Variants in RHOU observed in about 807,000 individuals in gnomAD.
RHOU encodes rho-related GTP-binding protein RhoU.
In RHOU, 8 loss-of-function variants were observed where a neutral mutation model predicts 12.6. The observed-to-expected ratio is 0.64, with a 90% CI of 0.37 to 1.15. The LOEUF is 1.15. Ranked by LOEUF, RHOU falls within the 50% of genes most tolerant of loss-of-function variation. RHOU has a pLI of 0.01. For synonymous variants in RHOU, 161 were observed against 147.4 expected, an observed-to-expected ratio of 1.09 and a Z score of -0.67; for missense variants, 258 against 347.0, an observed-to-expected ratio of 0.74 and a Z score of 2.04.
the RHOU span, among the ~76,000 whole-genome samples, chr1:228,668,307 G>T: frequency 7.9e-5 from 12 of 152,340 alleles, no homozygotes; most frequent in Middle Eastern, 3.4e-3. Flanking sequence ...AAAATGCTGA[G>T]TTCTGTGTGC....
the RHOU span, among the ~76,000 whole-genome samples, chr1:228,721,941 C>T: frequency 6.6e-6 from 1 of 152,252 alleles, no homozygotes; most frequent in Non-Finnish European, 1.5e-5. Context: ...GCGTGAGCCA[C>T]CACACCCGGC....
At chr1:228,656,932 C>A in the RHOU span, among the ~76,000 whole-genome samples, 1 of 151,982 alleles carries the variant, frequency 6.6e-6, no homozygotes, top group Non-Finnish European at 1.5e-5. Context: ...ATGCTGTCTA[C>A]AAGAGAGAAA....
the RHOU span, chr1:228,652,666 A>T: frequency 1.3e-5 from 2 of 152,218 alleles, no homozygotes; most frequent in Admixed American, 1.3e-4. Flanking sequence ...TTGGGAAAAA[A>T]GATGTCCATA....
the RHOU span, among the ~76,000 whole-genome samples, chr1:228,682,929 G>C: frequency 2.0e-5 from 3 of 152,156 alleles, no homozygotes; most frequent in Non-Finnish European, 4.4e-5. Context: ...GGGGTGAGTG[G>C]AGTGAAGTAG....
At chr1:228,676,551 C>A in the RHOU span, among the ~76,000 whole-genome samples, 49 of 152,238 alleles carry the variant, frequency 3.2e-4, no homozygotes, top group South Asian at 1.0e-3. Flanking sequence ...CTATCTCTCT[C>A]TATATATTGT....
the RHOU span, chr1:228,687,427 A>G: frequency 2.2e-6 from 3 of 1,359,678 alleles, no homozygotes; most frequent in African/African-American, 1.4e-5. Flanking sequence ...GCCTTGAAGA[A>G]CTTTGCCAAA....
At chr1:228,707,530 AC>A in the RHOU span, among the ~76,000 whole-genome samples, 1 of 150,828 alleles carries the variant, frequency 6.6e-6, no homozygotes, top group African/African-American at 2.4e-5. Flanking sequence ...ACTGGGAGGC[AC>A]CCCCCAGCAG....
the RHOU span, among the ~76,000 whole-genome samples, chr1:228,691,828 CT>C: frequency 1.6e-3 from 245 of 152,304 alleles, 1 homozygote; most frequent in African/African-American, 5.8e-3. Flanking sequence ...AATCTAGTTT[CT>C]GCTATCCCCT....
the RHOU span, among the ~76,000 whole-genome samples, chr1:228,653,520 T>C: frequency 6.6e-5 from 10 of 152,202 alleles, no homozygotes; most frequent in Admixed American, 5.2e-4. Context: ...GGTTTCTCCA[T>C]GTTGGTCTGG....
the RHOU span, among the ~76,000 whole-genome samples, chr1:228,646,769 G>C: frequency 1.3e-5 from 2 of 151,964 alleles, no homozygotes; most frequent in African/African-American, 2.4e-5. Flanking sequence ...TTCTCGTTCC[G>C]GAACCCGCAC....
At chr1:228,661,146 T>C in the RHOU span, among the ~76,000 whole-genome samples, 1 of 151,972 alleles carries the variant, frequency 6.6e-6, no homozygotes, top group African/African-American at 2.4e-5. Context: ...AAGGACCTCT[T>C]CAAGGAGAAC....
Position 228,743,378 on chromosome 1 carries a change from G to A in RHOU, c.415G>A (p.Val139Ile), listed in dbSNP as rs777545191. ...SVVSPSSFQN[V>I]SEKWVPEIRC... ...CGTGAGCCCCTCATCCTTCCAGAAC[G>A]TCAGTGAGAAATGGGTGCCGGAGAT... Residue 139 changes from valine to isoleucine, a missense_variant, in exon 3 of 3, where the codon GTC becomes ATC. Coordinates refer to ENST00000366691, the MANE Select transcript of RHOU (RefSeq NM_021205.6). This position sits in a 1 kb window ranked among gnomAD's most constrained non-coding sequence, Gnocchi z 5.1. 6.8e-6 allele frequency: 11 copies of A among 1,614,136 alleles called. No homozygotes were observed. Among genetic ancestry groups the A allele is most frequent in the East Asian group, 6.7e-5 (3 of 44,888 alleles).
the RHOU span, among the ~76,000 whole-genome samples, chr1:228,701,465 G>A: frequency 6.6e-6 from 1 of 151,834 alleles, no homozygotes; most frequent in Non-Finnish European, 1.5e-5. Flanking sequence ...CTCTAAAAGT[G>A]AACAAAAATT....
chr1:228,678,539 G>A, the RHOU span, among the ~76,000 whole-genome samples: 1 of 152,144 alleles, frequency 6.6e-6, no homozygotes, highest in Non-Finnish European at 1.5e-5. Flanking sequence ...TGGAAGTAAA[G>A]CGGCCTTAAG....
At chr1:228,659,159 A>C in the RHOU span, among the ~76,000 whole-genome samples, 392 of 152,294 alleles carry the variant, frequency 2.6e-3, 5 homozygotes, top group Non-Finnish European at 2.7e-3. Context: ...TGGGCGGATC[A>C]CCTGAGGTCA....
intron 2 of RHOU, among the ~76,000 whole-genome samples, chr1:228,739,731 C>A: frequency 6.6e-6 from 1 of 152,188 alleles, no homozygotes; most frequent in East Asian, 1.9e-4. Flanking sequence ...ACCTACCTGC[C>A]CCAGGATGTC....
chr1:228,715,965 A>G, the RHOU span, among the ~76,000 whole-genome samples: 53 of 147,984 alleles, frequency 3.6e-4, no homozygotes, highest in Admixed American at 5.5e-4. Context: ...CTCAGCCTGG[A>G]GTGCAGTGGC....
At chr1:228,723,073 G>GT in the RHOU span, among the ~76,000 whole-genome samples, 2 of 152,206 alleles carry the variant, frequency 1.3e-5, no homozygotes, top group African/African-American at 2.4e-5. Flanking sequence ...CCTCTCCCTA[G>GT]TTATCTCTTT....
At chr1:228,691,827 TC>T in the RHOU span, among the ~76,000 whole-genome samples, 1 of 152,242 alleles carries the variant, frequency 6.6e-6, no homozygotes, top group African/African-American at 2.4e-5. Flanking sequence ...AAATCTAGTT[TC>T]TGCTATCCCC....
Sources: allele counts gnomAD v4.1 joint callset (sites outside exome capture counted in the v4.1 genomes callset), GRCh38; gene constraint gnomAD v4.1.1; non-coding constraint Gnocchi (gnomAD v3.1); transcripts MANE v1.5; gene names NCBI Gene and HGNC (gene_info 2026-07-23, HGNC 2026-07-21).